Variants in FAM107B observed in about 807,000 individuals in gnomAD.
The protein encoded by FAM107B is protein FAM107B.
FAM107B carries 21 observed loss-of-function variants against 31.5 expected under a neutral mutation model. The ratio of observed to expected loss-of-function variants is 0.67; its 90% CI spans 0.47 to 0.96. The LOEUF is 0.96. Ranked by LOEUF, FAM107B falls within the 40% of genes least tolerant of loss-of-function variation. FAM107B has a pLI of 0.00. For missense variants in FAM107B, 452 were observed against 377.1 expected (o/e 1.20, Z -1.64); for synonymous variants, 157 against 141.5 (o/e 1.11, Z -0.78).
At chr10:14,575,611 C>A (rs934209971) in intron 2 of FAM107B, among the ~76,000 whole-genome samples, 1 of 152,176 alleles carries the variant, frequency 6.6e-6, no homozygotes, top group African/African-American at 2.4e-5. Context: ...CTCAGGCAGG[C>A]ACAGGGGCCA....
chr10:14,521,154 G>C lies in FAM107B; in HGVS notation c.*36C>G, dbSNP rs1413312104. 16 of 1,536,490 alleles carry C rather than the reference G, an allele frequency of 1.0e-5. No homozygotes were observed. The highest frequency in any genetic ancestry group is 1.4e-5 in the Non-Finnish European group (16 of 1,110,960). On this transcript the variant is annotated 3_prime_UTR_variant, in exon 5 of 5. Coordinates refer to ENST00000181796, the MANE Select transcript of FAM107B (RefSeq NM_031453.4). Reference sequence around the variant, plus strand: ...TGAGAAGGCACCCACAGACAGCTCTGTGGGGTGACACACGAGGTCTTGGTG... The same window carrying C: ...TGAGAAGGCACCCACAGACAGCTCTCTGGGGTGACACACGAGGTCTTGGTG...
intron 2 of FAM107B, among the ~76,000 whole-genome samples, chr10:14,581,766 G>C (rs544577790): frequency 2.1e-4 from 32 of 152,172 alleles, no homozygotes; most frequent in Non-Finnish European, 4.3e-4. Flanking sequence ...AAGTGAGCGT[G>C]GTGGTGCACA....
At chr10:14,721,003 C>T (rs1490410535) in intron 1 of FAM107B, among the ~76,000 whole-genome samples, 2 of 152,008 alleles carry the variant, frequency 1.3e-5, no homozygotes, top group Non-Finnish European at 2.9e-5. Flanking sequence ...CAGGCCCCCA[C>T]CCCATGACAG....
chr10:14,728,350 T>C (rs750147697), intron 1 of FAM107B, among the ~76,000 whole-genome samples: 13 of 151,698 alleles, frequency 8.6e-5, no homozygotes, highest in Non-Finnish European at 1.3e-4. Flanking sequence ...TGTGTGTGTG[T>C]GCTTTTTTTT....
At chr10:14,724,837 C>T (rs143994290) in intron 1 of FAM107B, among the ~76,000 whole-genome samples, 19 of 152,290 alleles carry the variant, frequency 1.2e-4, no homozygotes, top group African/African-American at 4.6e-4. Flanking sequence ...TCCTAAAGCA[C>T]TAGACTCCAG....
intron 2 of FAM107B, among the ~76,000 whole-genome samples, chr10:14,626,943 T>C (rs1334359576): frequency 6.6e-6 from 1 of 152,208 alleles, no homozygotes; most frequent in Non-Finnish European, 1.5e-5. Context: ...TTTGGACATC[T>C]GGATTTAAAT....
At chr10:14,677,910 A>C (rs1854729390) in intron 1 of FAM107B, among the ~76,000 whole-genome samples, 1 of 152,218 alleles carries the variant, frequency 6.6e-6, no homozygotes, top group African/African-American at 2.4e-5. Flanking sequence ...TGATAAAAAG[A>C]AGTCCTAATG....
At chr10:14,721,170 G>T (rs1855903302) in intron 1 of FAM107B, among the ~76,000 whole-genome samples, 1 of 152,166 alleles carries the variant, frequency 6.6e-6, no homozygotes, top group African/African-American at 2.4e-5. Flanking sequence ...CAAAGGACAT[G>T]AACTCATCCT....
chr10:14,664,844 A>C (rs1034529399), intron 2 of FAM107B, among the ~76,000 whole-genome samples: 3 of 152,246 alleles, frequency 2.0e-5, no homozygotes, highest in African/African-American at 7.2e-5. Context: ...TTTAGCAGAC[A>C]CAACTTACAC....
chr10:14,650,866 C>T (rs945169706), intron 2 of FAM107B, among the ~76,000 whole-genome samples: 9 of 152,170 alleles, frequency 5.9e-5, no homozygotes, highest in Admixed American at 5.2e-4. Context: ...TATTCCCTTG[C>T]TCTTATGCTT....
chr10:14,590,738 T>C (rs1229187364), intron 2 of FAM107B, among the ~76,000 whole-genome samples: 2 of 151,818 alleles, frequency 1.3e-5, no homozygotes, highest in Admixed American at 6.6e-5. Flanking sequence ...TCCCAGCACT[T>C]TGGGAGGGTG....
At chr10:14,707,311 GCTGT>G (rs1855544552) in intron 1 of FAM107B, among the ~76,000 whole-genome samples, 1 of 152,154 alleles carries the variant, frequency 6.6e-6, no homozygotes, top group Non-Finnish European at 1.5e-5. Context: ...GAGTTCAGGG[GCTGT>G]CATAACCTTC....
intron 1 of FAM107B, among the ~76,000 whole-genome samples, chr10:14,745,728 G>T (rs1484014169): frequency 1.3e-5 from 2 of 152,090 alleles, no homozygotes; most frequent in Non-Finnish European, 2.9e-5. Flanking sequence ...CAATTATGTG[G>T]TTGATTTTAG....
Position 14,628,092 on chromosome 10 carries a change from G to GTTTGTT in FAM107B, c.469+39536_469+39541dup, listed in dbSNP as rs763169869. Among the ~76,000 whole-genome samples, 61 of 115,858 alleles carry GTTTGTT rather than the reference G, an allele frequency of 5.3e-4. 1 individual carries two copies. In the South Asian group the frequency reaches 0.014, roughly 26 times the overall value. The allele number at this position is 115,858 out of a possible 152,430, so 76.0% of individuals were successfully genotyped here. A position where few individuals can be genotyped will look rare whatever the true frequency, so the allele number is the denominator to read the frequency against. Reference sequence around the variant, plus strand: ...GCTCTTTCTTTCTGTTTGTTTCCTTGTTTGTTTTTTGTTTTGCTGGTTTTT... The same window carrying GTTTGTT: ...GCTCTTTCTTTCTGTTTGTTTCCTTGTTTGTTTTTGTTTTTTGTTTTGCTGGTTTTT... On this transcript the variant is annotated intron_variant, in intron 2 of 4. Coordinates refer to ENST00000181796, the MANE Select transcript of FAM107B (RefSeq NM_031453.4).
intron 1 of FAM107B, among the ~76,000 whole-genome samples, chr10:14,702,221 A>G (rs181549834): frequency 2.0e-4 from 30 of 152,352 alleles, no homozygotes; most frequent in African/African-American, 7.0e-4. Context: ...ATGTACATGG[A>G]TATCCTAGGA....
intron 2 of FAM107B, among the ~76,000 whole-genome samples, chr10:14,580,410 G>C (rs1405906482): frequency 6.6e-6 from 1 of 151,934 alleles, no homozygotes; most frequent in East Asian, 1.9e-4. Flanking sequence ...AACAGCAAGT[G>C]GTACACACAA....
chr10:14,555,655 A>G (rs1245952644), intron 2 of FAM107B, among the ~76,000 whole-genome samples: 1 of 152,130 alleles, frequency 6.6e-6, no homozygotes, highest in African/African-American at 2.4e-5. Flanking sequence ...TTGTTTCCTC[A>G]CTGCATCTGC....
intron 2 of FAM107B, among the ~76,000 whole-genome samples, chr10:14,614,664 G>A (rs934004303): frequency 1.4e-5 from 2 of 142,974 alleles, no homozygotes; most frequent in Non-Finnish European, 3.0e-5. Flanking sequence ...CACAGCAAGC[G>A]AGACTCTGTC....
intron 1 of FAM107B, among the ~76,000 whole-genome samples, chr10:14,675,895 C>T (rs536743807): frequency 4.7e-4 from 71 of 152,264 alleles, no homozygotes; most frequent in Non-Finnish European, 7.6e-4. Context: ...CAGTGAATCA[C>T]GCCTGGAATC....
Sources: gnomAD v4.1 joint callset for allele counts (sites outside exome capture counted in the v4.1 genomes callset) on GRCh38, gnomAD v4.1.1 for gene constraint, MANE v1.5 for transcripts, NCBI Gene and HGNC (gene_info 2026-07-23, HGNC 2026-07-21) for gene names.